Variants in ESR1 observed in about 807,000 individuals in gnomAD.
ESR1 encodes the protein estrogen receptor 1, also known as estrogen receptor.
Under a neutral mutation model 52.7 loss-of-function variants are expected in ESR1, and 12 were observed. That is an observed-to-expected ratio of 0.23 (90% CI 0.15 to 0.37). ESR1 has a LOEUF of 0.37. ESR1 is among the 10% of genes least tolerant of loss of function. The pLI is 1.00. For missense variants in ESR1, 584 were observed against 779.7 expected, an observed-to-expected ratio of 0.75 and a Z score of 2.99; for synonymous variants, 305 against 316.8, an observed-to-expected ratio of 0.96 and a Z score of 0.39.
chr6:151,739,495 T>C (rs77749634), intron 2 of ESR1, among the ~76,000 whole-genome samples: 4,242 of 152,254 alleles, frequency 0.028, 199 homozygotes, highest in African/African-American at 0.097. Flanking sequence ...CCCATTCTGA[T>C]TGTGTATTGT....
intron 3 of ESR1, among the ~76,000 whole-genome samples, chr6:151,899,165 G>A (rs1347694996): frequency 9.2e-5 from 13 of 141,422 alleles, no homozygotes; most frequent in Admixed American, 2.7e-4. Context: ...GCGGCTGGCC[G>A]GGCAGAGGGG....
intron 5 of ESR1, among the ~76,000 whole-genome samples, chr6:152,040,636 G>T (rs1417932680): frequency 6.6e-6 from 1 of 152,230 alleles, no homozygotes; most frequent in Non-Finnish European, 1.5e-5. Flanking sequence ...ACTGCTCAAA[G>T]TTCTGTGCAT....
At chr6:151,714,779 G>A (rs1044437469) in intron 2 of ESR1, among the ~76,000 whole-genome samples, 5 of 152,076 alleles carry the variant, frequency 3.3e-5, no homozygotes, top group Non-Finnish European at 4.4e-5. Flanking sequence ...AATGGGTCTT[G>A]ACTCTTTATC....
chr6:152,126,246 C>T (rs1585448697), exon 7 of ESR1: 3 of 152,150 alleles, frequency 2.0e-5, no homozygotes, highest in African/African-American at 7.2e-5. Flanking sequence ...AATGCCTGTC[C>T]CCTTGGGGTA....
At chr6:152,017,587 G>C (rs1354786184) in intron 5 of ESR1, among the ~76,000 whole-genome samples, 3 of 151,964 alleles carry the variant, frequency 2.0e-5, no homozygotes, top group Non-Finnish European at 4.4e-5. Flanking sequence ...CTAATCCTTT[G>C]GTGTGTTTTG....
intron 1 of ESR1, among the ~76,000 whole-genome samples, chr6:151,660,559 C>T (rs1411719274): frequency 6.6e-6 from 1 of 152,164 alleles, no homozygotes; most frequent in African/African-American, 2.4e-5. Flanking sequence ...AGAACACATA[C>T]AGTAGGAGTC....
chr6:152,012,373 A>G (rs1366790448), intron 5 of ESR1, among the ~76,000 whole-genome samples: 1 of 149,898 alleles, frequency 6.7e-6, no homozygotes, highest in African/African-American at 2.5e-5. Context: ...GTCATTGCTT[A>G]GAGTCATAGA....
At chr6:152,023,887 ATACGACTCCCT>A (rs1017202215) in intron 5 of ESR1, among the ~76,000 whole-genome samples, 20 of 152,176 alleles carry the variant, frequency 1.3e-4, no homozygotes, top group Admixed American at 1.3e-3. Context: ...TGCTTACCAA[ATACGACTCCCT>A]TACATTTTTG....
intron 1 of ESR1, chr6:151,701,769 T>G (rs924580384): frequency 1.3e-5 from 2 of 152,174 alleles, no homozygotes; most frequent in Non-Finnish European, 2.9e-5. Flanking sequence ...ACTTTTCTTT[T>G]TAACAGCCTT....
intron 3 of ESR1, among the ~76,000 whole-genome samples, chr6:151,910,605 A>T (rs1421522977): frequency 6.6e-6 from 1 of 152,196 alleles, no homozygotes; most frequent in African/African-American, 2.4e-5. Flanking sequence ...TGAAAATTTT[A>T]TCAGTATCTG....
chr6:151,829,903 T>C (rs888106240), intron 1 of ESR1, among the ~76,000 whole-genome samples: 4 of 152,226 alleles, frequency 2.6e-5, no homozygotes, highest in Non-Finnish European at 5.9e-5. Flanking sequence ...TCTTACTTTT[T>C]CCTGAAATTT....
At chr6:151,842,121 C>T (rs190648705) in intron 1 of ESR1, among the ~76,000 whole-genome samples, 6 of 152,214 alleles carry the variant, frequency 3.9e-5, no homozygotes, top group East Asian at 3.9e-4. Context: ...GTGGCAATGA[C>T]GTAAAAATTT....
At chr6:151,729,917 G>A (rs149819336) in intron 2 of ESR1, among the ~76,000 whole-genome samples, 47 of 152,158 alleles carry the variant, frequency 3.1e-4, no homozygotes, top group African/African-American at 1.0e-3. Context: ...GTGAGACTTC[G>A]TCTGTACAGA....
At chr6:151,741,082 G>C (rs1335684816) in intron 2 of ESR1, among the ~76,000 whole-genome samples, 1 of 152,158 alleles carries the variant, frequency 6.6e-6, no homozygotes, top group African/African-American at 2.4e-5. Flanking sequence ...GGGTGTGAGA[G>C]GCGGGCCCGT....
intron 2 of ESR1, among the ~76,000 whole-genome samples, chr6:151,790,111 G>A (rs1215860775): frequency 6.6e-6 from 1 of 152,154 alleles, no homozygotes; most frequent in Non-Finnish European, 1.5e-5. Flanking sequence ...TGGTTGTGAT[G>A]GGCCTTCTCA....
intron 5 of ESR1, among the ~76,000 whole-genome samples, chr6:152,037,938 T>C (rs530835965): frequency 1.3e-5 from 2 of 152,238 alleles, no homozygotes; most frequent in South Asian, 4.1e-4. Flanking sequence ...AGGATAGATG[T>C]ATATATGAAA....
At chr6:151,896,554 G>C (rs1795538547) in intron 3 of ESR1, among the ~76,000 whole-genome samples, 1 of 152,032 alleles carries the variant, frequency 6.6e-6, no homozygotes, top group Admixed American at 6.5e-5. Context: ...TTCTAATTGA[G>C]CTTATTTGGA....
intron 3 of ESR1, among the ~76,000 whole-genome samples, chr6:151,914,575 T>C (rs1346674471): frequency 6.6e-6 from 1 of 152,218 alleles, no homozygotes; most frequent in Non-Finnish European, 1.5e-5. Context: ...TTATTAGATA[T>C]TTAACAAATC....
At chr6:151,928,608 T>A (rs1220778726) in intron 3 of ESR1, among the ~76,000 whole-genome samples, 1 of 152,002 alleles carries the variant, frequency 6.6e-6, no homozygotes, top group East Asian at 1.9e-4. Context: ...TTTAAGCTTA[T>A]CTAGTTTTTT....
Sources: allele counts gnomAD v4.1 joint callset (sites outside exome capture counted in the v4.1 genomes callset), GRCh38; gene constraint gnomAD v4.1.1; transcripts MANE v1.5; gene names NCBI Gene and HGNC (gene_info 2026-07-23, HGNC 2026-07-21).